Variants in UNKL observed in about 807,000 individuals in gnomAD.
The protein encoded by UNKL is putative E3 ubiquitin-protein ligase UNKL.
A neutral mutation model predicts 78.0 loss-of-function variants in UNKL; 60 were observed. The ratio of observed to expected loss-of-function variants is 0.77; its 90% CI spans 0.63 to 0.95. UNKL has a LOEUF of 0.95. Ranked by LOEUF, UNKL falls within the 40% of genes least tolerant of loss-of-function variation. UNKL has a pLI of 0.00. For synonymous variants in UNKL, 608 were observed against 474.8 expected (o/e 1.28, Z -3.65); for missense variants, 1,159 against 1,045.7 (o/e 1.11, Z -1.49).
intron 6 of UNKL, chr16:1,395,947 G>A (rs886859880): frequency 8.4e-6 from 3 of 357,598 alleles, no homozygotes; most frequent in Non-Finnish European, 1.7e-5. Flanking sequence ...CTTGGCTGAG[G>A]ATTTTACTTT....
chr16:1,363,244 A>C lies in UNKL; in HGVS notation c.*2996T>G. The stretch of plus-strand genomic sequence containing the variant: ...TTAATTAATTCCCATACTGATAAAA[A>C]TAACTCCATGAATTCTGTAAACCAT... On this transcript the variant is annotated 3_prime_UTR_variant, in exon 15 of 15. Coordinates refer to ENST00000389221, the MANE Select transcript of UNKL (RefSeq NM_001372107.1). 1.4e-6 allele frequency: 1 copy of C among 706,392 alleles called. No homozygotes were observed. 43.8% of individuals were successfully genotyped at this position (706,392 alleles called of 1,614,324 possible).
chr16:1,406,975 C>G (rs1240613587), intron 2 of UNKL, among the ~76,000 whole-genome samples: 2 of 151,780 alleles, frequency 1.3e-5, no homozygotes, highest in African/African-American at 4.8e-5. Context: ...CCCATCTCTA[C>G]TAAAAATACA....
chr16:1,383,272 C>CAAA (rs527382927), intron 10 of UNKL, among the ~76,000 whole-genome samples: 2 of 65,300 alleles, frequency 3.1e-5, no homozygotes, highest in South Asian at 5.0e-4. Context: ...AACTCCGTCT[C>CAAA]AAAAAAAAAA....
chr16:1,367,746 G>A lies in UNKL; in HGVS notation c.1698C>T (p.Asn566=), dbSNP rs536529720. The A allele has an allele frequency of 9.8e-5, 154 of 1,576,508 alleles. 1 individual carries two copies. Among genetic ancestry groups the A allele is most frequent in the South Asian group, 7.2e-4 (62 of 85,596 alleles). Residue 566 remains asparagine (N), a synonymous_variant, in exon 13 of 15, where the codon AAC becomes AAT. Transcript: ENST00000389221. Reference sequence around the variant, plus strand: ...GCCTGACCCGGGCCAGCTCAGCTCCGTTTGGACTTGCACTCGAAGAGGATG... The same window carrying A: ...GCCTGACCCGGGCCAGCTCAGCTCCATTTGGACTTGCACTCGAAGAGGATG... ...GPPSSSSASP[N]GAELARVRRQ...
intron 2 of UNKL, among the ~76,000 whole-genome samples, chr16:1,410,759 CAG>C (rs2038004822): frequency 6.6e-6 from 1 of 152,222 alleles, no homozygotes; most frequent in Non-Finnish European, 1.5e-5. Flanking sequence ...CAAGGGAAAT[CAG>C]GGGCTGAGCC....
In UNKL at chr16:1,385,278, A is replaced by G. The variant is rs971619680; in HGVS notation, c.1194T>C (p.Thr398=). Residue 398 remains threonine, a synonymous_variant, in exon 10 of 15, where the codon ACT becomes ACC. Transcript: ENST00000389221. ...CACGGGCGGGGGGCGCGGGCAGCGC[A>G]GTGGGGGAGGAGCTGCCGGAGCCGG... The part of the protein sequence containing the change: ...SSAGSGSSSP[T]ALPAPPARAL... 7.9e-5 allele frequency: 107 copies of G among 1,360,452 alleles called. No individual in the cohort carries two copies. Among genetic ancestry groups the G allele is most frequent in the Non-Finnish European group, 9.8e-5 (104 of 1,062,260 alleles). 84.3% of individuals were successfully genotyped at this position (1,360,452 alleles called of 1,614,324 possible).
In UNKL at chr16:1,399,467, G is replaced by T; in HGVS notation, c.641C>A (p.Pro214Gln). 6.2e-7 allele frequency: 1 copy of T among 1,601,618 alleles called. No individual in the cohort carries two copies. Among genetic ancestry groups the T allele is most frequent in the East Asian group, 2.3e-5 (1 of 44,146 alleles). ...VLGSYKTEQC[P>Q]KPPRLCRQGY... ...CTGGCGGCACAGGCGTGGCGGCTTC[G>T]GGCACTGCTCCGTCTTGTAGCTGCC... is the stretch of plus-strand genomic sequence containing the variant. Residue 214 changes from proline to glutamine, a missense_variant, in exon 5 of 15, where the codon CCG (proline) becomes CAG (glutamine). Transcript: ENST00000389221. This position sits in a 1 kb window ranked among gnomAD's most constrained non-coding sequence, Gnocchi z 5.8.
intron 4 of UNKL, 45 bp downstream of exon 4, chr16:1,401,523 G>GGGGGGGCC: frequency 3.4e-6 from 5 of 1,470,276 alleles, no homozygotes; most frequent in Non-Finnish European, 4.5e-6. Context: ...CTCGCGCTGT[G>GGGGGGGCC]CCCGCCCCCC....
At chr16:1,370,380 C>T (rs1043214047) in intron 11 of UNKL, 23 bp from the exon 12 acceptor site, 9 of 1,529,782 alleles carry the variant, frequency 5.9e-6, no homozygotes, top group South Asian at 4.8e-5. Flanking sequence ...GACCAGTCAG[C>T]GAAGGGAGTA....
chr16:1,370,384 G>A (rs1331293690), intron 11 of UNKL, 27 bp from the exon 12 acceptor site: 1 of 1,530,440 alleles, frequency 6.5e-7, no homozygotes, highest in African/African-American at 1.4e-5. Flanking sequence ...AGTCAGCGAA[G>A]GGAGTACCGC....
At chr16:1,391,285 T>A (rs779830321) in intron 8 of UNKL, among the ~76,000 whole-genome samples, 2 of 139,082 alleles carry the variant, frequency 1.4e-5, no homozygotes, top group African/African-American at 5.7e-5. Context: ...CACACACACA[T>A]AAGCTCTGCT....
intron 12 of UNKL, among the ~76,000 whole-genome samples, chr16:1,368,653 C>A (rs1331821668): frequency 1.4e-5 from 2 of 147,072 alleles, no homozygotes; most frequent in Non-Finnish European, 3.0e-5. Context: ...GTCATCCCAG[C>A]ACTTTGGGAG....
At chr16:1,400,109 A>C (rs1031767897) in intron 4 of UNKL, among the ~76,000 whole-genome samples, 7 of 152,142 alleles carry the variant, frequency 4.6e-5, no homozygotes, top group African/African-American at 1.7e-4. Flanking sequence ...GCTCTAAAAA[A>C]TAAAGCCTAT....
chr16:1,382,746 T>G (rs2036648797), intron 10 of UNKL, among the ~76,000 whole-genome samples: 1 of 144,648 alleles, frequency 6.9e-6, no homozygotes, highest in African/African-American at 2.6e-5. Context: ...TCACCTGAGG[T>G]TGGGAGTTCA....
chr16:1,411,559 G>A (rs2038039059), intron 2 of UNKL, among the ~76,000 whole-genome samples: 2 of 151,920 alleles, frequency 1.3e-5, no homozygotes, highest in South Asian at 2.1e-4. Context: ...GGGCGCGGTG[G>A]CTCATGCCTG....
At chr16:1,406,222 T>TC (rs1438493558) in intron 2 of UNKL, 7 of 340,790 alleles carry the variant, frequency 2.1e-5, no homozygotes, top group Non-Finnish European at 3.5e-5. Flanking sequence ...TTGCTAATTT[T>TC]TTTTTTTTTT....
chr16:1,413,810 C>G (rs1461967725), intron 2 of UNKL, 36 bp downstream of exon 2: 1 of 1,493,950 alleles, frequency 6.7e-7, no homozygotes, highest in South Asian at 1.3e-5. Flanking sequence ...CCCCCCACCT[C>G]CGCCCAGGCA....
At chr16:1,379,491 C>A (rs556680454) in intron 10 of UNKL, 6 of 985,280 alleles carry the variant, frequency 6.1e-6, no homozygotes, top group African/African-American at 1.7e-5. Flanking sequence ...CCGGGCCCAC[C>A]CCGCGGCTGT....
intron 11 of UNKL, among the ~76,000 whole-genome samples, chr16:1,370,791 C>T (rs2035751725): frequency 1.3e-5 from 2 of 152,234 alleles, no homozygotes; most frequent in Non-Finnish European, 2.9e-5. Context: ...TGTTAAGATA[C>T]ATTTGTATGG....
Sources: allele counts gnomAD v4.1 joint callset (sites outside exome capture counted in the v4.1 genomes callset), GRCh38; gene constraint gnomAD v4.1.1; non-coding constraint Gnocchi (gnomAD v3.1); transcripts MANE v1.5; gene names NCBI Gene and HGNC (gene_info 2026-07-23, HGNC 2026-07-21).